Variants in TMEM44 observed in about 807,000 individuals in gnomAD.
TMEM44 encodes the protein transmembrane protein 44.
A neutral mutation model predicts 47.8 loss-of-function variants in TMEM44; 43 were observed. The ratio of observed to expected loss-of-function variants is 0.90; its 90% CI spans 0.70 to 1.16. The LOEUF (loss-of-function observed/expected upper bound fraction) is 1.16. Among genes scored for constraint, TMEM44 ranks in the 50% most tolerant of loss-of-function variants. The pLI is 0.00. For synonymous variants in TMEM44, 277 were observed against 238.8 expected (o/e 1.16, Z -1.48); for missense variants, 568 against 555.2 (o/e 1.02, Z -0.23).
intron 8 of TMEM44, among the ~76,000 whole-genome samples, chr3:194,610,516 T>A (rs1715204388): frequency 6.6e-6 from 1 of 152,096 alleles, no homozygotes; most frequent in African/African-American, 2.4e-5. Context: ...CGAGAGACTC[T>A]CACCTGCATA....
At chr3:194,600,481 G>A (rs1371616902) in intron 9 of TMEM44, among the ~76,000 whole-genome samples, 1 of 147,530 alleles carries the variant, frequency 6.8e-6, no homozygotes, top group Non-Finnish European at 1.5e-5. Flanking sequence ...GGGCAAGGTG[G>A]CTCACGCCTG....
chr3:194,598,967 G>C (rs1713747529), intron 9 of TMEM44, among the ~76,000 whole-genome samples: 1 of 152,230 alleles, frequency 6.6e-6, no homozygotes, highest in African/African-American at 2.4e-5. Context: ...GTGAGTAACA[G>C]ACAGACAACG....
chr3:194,596,024 G>A (rs1450669837), intron 9 of TMEM44, among the ~76,000 whole-genome samples: 1 of 152,138 alleles, frequency 6.6e-6, no homozygotes, highest in Non-Finnish European at 1.5e-5. Context: ...GCGAAAGGTA[G>A]GAGAAGACAG....
chr3:194,623,845 A>G, intron 3 of TMEM44, 150 bp from the exon 4 acceptor site: 2 of 974,558 alleles, frequency 2.1e-6, no homozygotes, highest in Non-Finnish European at 3.0e-6. Context: ...CCCACCCTTC[A>G]GGGCCCTGTA....
At chr3:194,627,623 C>G (rs994888682) in intron 2 of TMEM44, among the ~76,000 whole-genome samples, 1 of 152,178 alleles carries the variant, frequency 6.6e-6, no homozygotes, top group Non-Finnish European at 1.5e-5. Flanking sequence ...GATGGGGATA[C>G]AGCAGTGAAC....
Position 194,628,594 on chromosome 3 carries a change from C to T in TMEM44, c.138-85G>A, listed in dbSNP as rs893390286. On this transcript the variant is annotated intron_variant, in intron 1 of 9. Coordinates refer to ENST00000347147, the MANE Select transcript of TMEM44 (RefSeq NM_001011655.3). ...TATCTAAAAAGGGCAACTGTGACCCCGCATCGTCAGGGAGCTCTTTCTGCC... is the reference window on the plus strand; with the variant it reads ...TATCTAAAAAGGGCAACTGTGACCCTGCATCGTCAGGGAGCTCTTTCTGCC... 3.6e-5 allele frequency: 53 copies of T among 1,457,804 alleles called. No individual in the cohort carries two copies. In the Middle Eastern group the frequency reaches 5.5e-4, roughly 15 times the overall value. 90.3% of individuals were successfully genotyped at this position (1,457,804 alleles called of 1,614,324 possible).
intron 5 of TMEM44, chr3:194,617,654 C>T (rs1246162376): frequency 2.8e-6 from 2 of 703,906 alleles, no homozygotes; most frequent in East Asian, 2.7e-5. Flanking sequence ...TGCCCAGCAC[C>T]TGACGCTGGG....
chr3:194,627,075 C>T (rs929520413), intron 2 of TMEM44, among the ~76,000 whole-genome samples: 5 of 152,110 alleles, frequency 3.3e-5, no homozygotes, highest in Non-Finnish European at 7.4e-5. Flanking sequence ...GCACGCGCCA[C>T]CACGCCCAGC....
At chr3:194,596,495 TAAG>T (rs938429096) in intron 9 of TMEM44, among the ~76,000 whole-genome samples, 15 of 152,214 alleles carry the variant, frequency 9.9e-5, no homozygotes, top group Non-Finnish European at 2.1e-4. Context: ...TTTCTGTGTG[TAAG>T]AAGTGACTCA....
intron 3 of TMEM44, among the ~76,000 whole-genome samples, chr3:194,624,364 G>A (rs1213183784): frequency 6.6e-6 from 1 of 151,922 alleles, no homozygotes; most frequent in Non-Finnish European, 1.5e-5. Flanking sequence ...TTCTCTTCTG[G>A]GCAGCATTGA....
Position 194,604,407 on chromosome 3 carries a change from C to T in TMEM44, c.1056G>A (p.Gln352=), listed in dbSNP as rs1216220475. 1.3e-6 allele frequency: 2 copies of T among 1,534,682 alleles called. No individual in the cohort carries two copies. The highest frequency in any genetic ancestry group is 1.8e-6 in the Non-Finnish European group (2 of 1,134,980). ...CSATRLPGDG[Q]TSAGDASLQD... ...GCAGGGACGCATCTCCGGCGCTCGT[C>T]TGCCCGTCACCTGGCAGCCTGGTGG... Residue 352 remains glutamine, a synonymous_variant, in exon 9 of 10, where the codon CAG becomes CAA. Coordinates refer to ENST00000347147, the MANE Select transcript of TMEM44 (RefSeq NM_001011655.3).
chr3:194,595,429 G>C (rs1713277170), intron 9 of TMEM44, among the ~76,000 whole-genome samples: 1 of 152,146 alleles, frequency 6.6e-6, no homozygotes, highest in Admixed American at 6.5e-5. Context: ...AGGAAATAGG[G>C]TCACTTTCTA....
intron 9 of TMEM44, among the ~76,000 whole-genome samples, chr3:194,590,633 A>G (rs1408710489): frequency 6.6e-6 from 1 of 152,194 alleles, no homozygotes; most frequent in Non-Finnish European, 1.5e-5. Flanking sequence ...CATTGTTCTC[A>G]CAGCGTGTGC....
chr3:194,604,573 G>A, intron 8 of TMEM44, 128 bp from the exon 9 acceptor site: 2 of 1,242,372 alleles, frequency 1.6e-6, no homozygotes, highest in Non-Finnish European at 2.2e-6. Context: ...ATCTACCTGT[G>A]CTCTCCTGCC....
intron 5 of TMEM44, among the ~76,000 whole-genome samples, chr3:194,620,425 C>A (rs1279145278): frequency 6.6e-6 from 1 of 152,096 alleles, no homozygotes; most frequent in Non-Finnish European, 1.5e-5. Flanking sequence ...TTCCTGCACT[C>A]ATCAGCTTCC....
At chr3:194,626,636 C>T (rs570265876) in intron 2 of TMEM44, among the ~76,000 whole-genome samples, 1 of 151,836 alleles carries the variant, frequency 6.6e-6, no homozygotes, top group African/African-American at 2.4e-5. Flanking sequence ...GCTGGGATTC[C>T]AGGAGTCAAC....
rs752438657 is a variant in TMEM44, at chr3:194,610,961, T to C, written c.972A>G (p.Thr324=). The C allele has an allele frequency of 5.0e-6, 8 of 1,614,078 alleles. No homozygotes were observed. The highest frequency in any genetic ancestry group is 5.9e-6 in the Non-Finnish European group (7 of 1,180,010). ...TCAGCTCCATGTAGCGACTGATTGC[T>C]GTCATTGTCCTCAGTGACTTGCAGT... ...LSHCKSLRTM[T]AISRYMELTI... is the part of the protein sequence containing the mutation. The change falls in exon 8 of 10, where the codon ACA becomes ACG. Residue 324 remains threonine, a synonymous_variant. Transcript: ENST00000347147.
At chr3:194,613,845 G>A (rs865872071) in intron 7 of TMEM44, among the ~76,000 whole-genome samples, 25 of 151,648 alleles carry the variant, frequency 1.6e-4, no homozygotes, top group Non-Finnish European at 3.2e-4. Context: ...AGAATAGGCC[G>A]GGCCCGGTGG....
At chr3:194,600,048 C>A (rs1713898529) in intron 9 of TMEM44, among the ~76,000 whole-genome samples, 1 of 151,988 alleles carries the variant, frequency 6.6e-6, no homozygotes, top group Admixed American at 6.6e-5. Context: ...GTGTGAGCCA[C>A]CAAGCCCAGC....
Sources: gnomAD v4.1 joint callset for allele counts (sites outside exome capture counted in the v4.1 genomes callset) on GRCh38, gnomAD v4.1.1 for gene constraint, MANE v1.5 for transcripts, NCBI Gene and HGNC (gene_info 2026-07-23, HGNC 2026-07-21) for gene names.